Variants in INHA observed in about 807,000 individuals in gnomAD.
INHA encodes the protein inhibin alpha chain.
Under a neutral mutation model 21.3 loss-of-function variants are expected in INHA, and 8 were observed. The ratio of observed to expected loss-of-function variants is 0.38; its 90% confidence interval spans 0.22 to 0.68. The LOEUF is 0.68. Among genes scored for constraint, INHA ranks in the 30% least tolerant of loss-of-function variants. The pLI is 0.53. For missense variants in INHA, 436 were observed against 465.8 expected, an observed-to-expected ratio of 0.94 and a Z score of 0.59; for synonymous variants, 231 against 207.5, an observed-to-expected ratio of 1.11 and a Z score of -0.97.
At chr2:219,573,796 A>G (rs1231423321) in intron 1 of INHA, among the ~76,000 whole-genome samples, 1 of 151,118 alleles carries the variant, frequency 6.6e-6, no homozygotes, top group South Asian at 2.1e-4. Flanking sequence ...AACATGGTGA[A>G]CCCCGTCTCT....
In INHA at chr2:219,575,569, G is replaced by A. The variant is rs1292466227; in HGVS notation, c.*43G>A. ...TCTTAATCCCATGGCTGGTGGCCAC[G>A]CCCCCACCATCATCAGCTGGGAGGA... is the stretch of plus-strand genomic sequence containing the variant. On this transcript the variant is annotated 3_prime_UTR_variant, in exon 2 of 2. Coordinates refer to ENST00000243786, the MANE Select transcript of INHA (RefSeq NM_002191.4). 2.7e-6 allele frequency: 4 copies of A among 1,480,852 alleles called. No homozygotes were observed. Among genetic ancestry groups the A allele is most frequent in the East Asian group, 2.3e-5 (1 of 44,260 alleles). The allele number at this position is 1,480,852 out of a possible 1,614,324, so 91.7% of individuals were successfully genotyped here.
At position 219,575,023 on chromosome 2, in the gene INHA, T is replaced by C; in HGVS notation, c.598T>C (p.Cys200Arg). ...CCCCGTCCTGGTGCTGCTGCTGCGC[T>C]GTCCCCTCTGTACCTGCTCAGCCCG... ...THPVLVLLLR[C>R]PLCTCSARPE... The change falls in exon 2 of 2, where the codon TGT becomes CGT. Residue 200 changes from cysteine (C) to arginine (R), a missense_variant. By Grantham distance (180) the Cys-to-Arg change is radical. Transcript: ENST00000243786. 6.2e-7 allele frequency: 1 copy of C among 1,613,356 alleles called. No homozygotes were observed.
At position 219,575,153 on chromosome 2, in the gene INHA, C is replaced by G. The variant is rs376758084; in HGVS notation, c.728C>G (p.Pro243Arg). The G allele has an allele frequency of 2.5e-6, 4 of 1,614,266 alleles. No homozygotes were observed. The African/African-American group carries it at 5.3e-5, about 22-fold the overall frequency. Residue 243 changes from proline (P) to arginine (R), a missense_variant, in exon 2 of 2, where the codon CCC becomes CGC. Coordinates refer to ENST00000243786, the MANE Select transcript of INHA (RefSeq NM_002191.4). ...STPLMSWPWS[P>R]SALRLLQRPP... ...CCCCTGATGTCCTGGCCTTGGTCTC[C>G]CTCTGCTCTGCGCCTGCTGCAGAGG...
Position 219,572,358 on chromosome 2 carries a change from G to A in INHA, c.-17G>A. 6.2e-7 allele frequency: 1 copy of A among 1,613,550 alleles called. No homozygotes were observed. The highest frequency in any genetic ancestry group is 1.1e-5 in the South Asian group (1 of 91,024). Reference sequence around the variant, plus strand: ...GGGGCAGGGTGTGAGTTCCCCACTAGCAGGGCCAGGTGAGCTATGGTGCTG... The same window carrying A: ...GGGGCAGGGTGTGAGTTCCCCACTAACAGGGCCAGGTGAGCTATGGTGCTG... On this transcript the variant is annotated 5_prime_UTR_variant, in exon 1 of 2. Transcript: ENST00000243786.
At chr2:219,573,587 C>CT (rs11342037) in intron 1 of INHA, among the ~76,000 whole-genome samples, 7,673 of 143,534 alleles carry the variant, frequency 0.053, 244 homozygotes, top group African/African-American at 0.061. Context: ...CCTCCTTCTT[C>CT]TTTTTTTTTT....
chr2:219,572,326 G>A lies in INHA; in HGVS notation c.-49G>A. The A allele has an allele frequency of 6.2e-7, 1 of 1,612,758 alleles. No homozygotes were observed. Among genetic ancestry groups the A allele is most frequent in the South Asian group, 1.1e-5 (1 of 90,804 alleles). ...AGGCCCTGGGCAGACCCTGGCAGAA[G>A]GGGCACGGGGCAGGGTGTGAGTTCC... On this transcript the variant is annotated 5_prime_UTR_variant, in exon 1 of 2. Coordinates refer to ENST00000243786, the MANE Select transcript of INHA (RefSeq NM_002191.4).
At position 219,574,915 on chromosome 2, in the gene INHA, G is replaced by A. The variant is rs1314458732; in HGVS notation, c.490G>A (p.Ala164Thr). The change falls in exon 2 of 2, where the codon GCT (alanine) becomes ACT (threonine). Residue 164 changes from alanine to threonine, a missense_variant. By Grantham distance (58) the Ala-to-Thr change is moderately conservative (BLOSUM62 0). Transcript: ENST00000243786. The part of the protein sequence containing the change: ...LLALSPGGPV[A>T]VPMSLGHAPP... ...GGCACTGTCACCGGGAGGACCCGTG[G>A]CTGTGCCCATGTCTTTGGGCCATGC... 1.9e-6 allele frequency: 3 copies of A among 1,614,090 alleles called. No individual in the cohort carries two copies. In the African/African-American group the frequency reaches 4.0e-5, roughly 22 times the overall value.
Position 219,572,402 on chromosome 2 carries a change from C to T in INHA, c.28C>T (p.Leu10=), listed in dbSNP as rs1052741617. The change falls in exon 1 of 2, where the codon CTG becomes TTG. Residue 10 remains leucine (L), a synonymous_variant. Transcript: ENST00000243786. MVLHLLLFL[L]LTPQGGHSCQ... ...GGTGCTGCACCTACTGCTCTTCTTG[C>T]TGCTGACCCCACAGGGTGGGCACAG... 6.2e-7 allele frequency: 1 copy of T among 1,613,946 alleles called. No homozygotes were observed. The highest frequency in any genetic ancestry group is 8.5e-7 in the Non-Finnish European group (1 of 1,180,032).
chr2:219,572,582 A>C lies in INHA; in HGVS notation c.208A>C (p.Arg70=), dbSNP rs563337516. ...ACATGCCCTGGGGGGCTTCACACAC[A>C]GGGGCTCTGAGCCCGAGGAAGAGGA... ...RRHALGGFTH[R]GSEPEEEEDV... is the part of the protein sequence containing the mutation. The change falls in exon 1 of 2, where the codon AGG becomes CGG. Residue 70 remains arginine (R), a synonymous_variant. Transcript: ENST00000243786. 6.4e-7 allele frequency: 1 copy of C among 1,557,138 alleles called. No homozygotes were observed. The highest frequency in any genetic ancestry group is 1.9e-5 in the Admixed American group (1 of 51,412).
At chr2:219,573,886 G>C (rs961377083) in intron 1 of INHA, among the ~76,000 whole-genome samples, 2 of 151,888 alleles carry the variant, frequency 1.3e-5, no homozygotes, top group African/African-American at 4.8e-5. Context: ...CTTGAACGTG[G>C]GAGGCGGAGC....
In INHA at chr2:219,574,771, C is replaced by T. The variant is rs763182716; in HGVS notation, c.346C>T (p.Arg116Trp). The T allele has an allele frequency of 3.8e-5, 61 of 1,613,964 alleles. No individual in the cohort carries two copies. In the Middle Eastern group the frequency reaches 6.6e-4, roughly 17 times the overall value. The change falls in exon 2 of 2, where the codon CGG becomes TGG. Residue 116 changes from arginine to tryptophan, a missense_variant. Coordinates refer to ENST00000243786, the MANE Select transcript of INHA (RefSeq NM_002191.4). ...GGAGGGCCTCTTCAGATACATGTTC[C>T]GGCCATCCCAGCATACACGCAGCCG... ...AEEGLFRYMF[R>W]PSQHTRSRQV...
In INHA at chr2:219,573,587, CTTT is replaced by C. The variant is rs11342037; in HGVS notation, c.268+959_268+961del. 4.8e-3 allele frequency among the ~76,000 whole-genome samples: 687 copies of C among 143,612 alleles called. 3 individuals carry two copies. Among genetic ancestry groups the C allele is most frequent in the African/African-American group, 0.013 (514 of 39,350 alleles). 94.2% of individuals were successfully genotyped at this position (143,612 alleles called of 152,430 possible). On this transcript the variant is annotated intron_variant, in intron 1 of 1. Coordinates refer to ENST00000243786, the MANE Select transcript of INHA (RefSeq NM_002191.4). Reference sequence around the variant, plus strand: ...TCCCACTTGCCTTTCCCTCCTTCTTCTTTTTTTTTTTTTTTTGGTGTAAACCTG... The same window carrying C: ...TCCCACTTGCCTTTCCCTCCTTCTTCTTTTTTTTTTTTTGGTGTAAACCTG...
rs888635955 is a variant in INHA, at chr2:219,572,651, G to A, written c.268+9G>A. 1 of 1,551,460 alleles carries A rather than the reference G, an allele frequency of 6.4e-7. No individual in the cohort carries two copies. Among genetic ancestry groups the A allele is most frequent in the Non-Finnish European group, 8.7e-7 (1 of 1,146,938 alleles). On this transcript the variant is annotated intron_variant, in intron 1 of 1. Transcript: ENST00000243786. The stretch of plus-strand genomic sequence containing the variant: ...CCTTTTCCCAGCCACAGGTAACGAG[G>A]GTGGGGGAACCGGCAGGATGACTTT...
At chr2:219,574,165 G>A in intron 1 of INHA, among the ~76,000 whole-genome samples, 1 of 151,278 alleles carries the variant, frequency 6.6e-6, no homozygotes. Flanking sequence ...TGTGGTCTCA[G>A]TTACTCAGGA....
intron 1 of INHA, 148 bp from the exon 2 acceptor site, chr2:219,574,546 G>A: frequency 4.6e-6 from 3 of 650,202 alleles, no homozygotes; most frequent in Non-Finnish European, 7.9e-6. Flanking sequence ...CCAAAACTCA[G>A]GAGAGTCCCC....
rs560985914 is a variant in INHA, at chr2:219,572,478, C to T, written c.104C>T (p.Ala35Val). 6.1e-5 allele frequency: 99 copies of T among 1,613,758 alleles called. 2 individuals are homozygous for T. In the South Asian group the frequency reaches 1.1e-3, roughly 17 times the overall value. The change falls in exon 1 of 2, where the codon GCC (alanine) becomes GTC (valine). Residue 35 changes from alanine (A) to valine (V), a missense_variant. Coordinates refer to ENST00000243786, the MANE Select transcript of INHA (RefSeq NM_002191.4). ...GAACTTGTTCTGGCCAAGGTGAGGG[C>T]CCTGTTCTTGGATGCCTTGGGGCCC... ...ARELVLAKVR[A>V]LFLDALGPPA...
chr2:219,574,716 A>C lies in INHA; in HGVS notation c.291A>C (p.Ser97=). The C allele has an allele frequency of 6.2e-7, 1 of 1,613,332 alleles. No individual in the cohort carries two copies. Among genetic ancestry groups the C allele is most frequent in the East Asian group, 2.2e-5 (1 of 44,832 alleles). ...CAGATGCCAGCTGTGAGGACAAGTC[A>C]GCTGCCAGAGGGCTGGCCCAGGAGG... ...PATDASCEDK[S]AARGLAQEAE... The change falls in exon 2 of 2, where the codon TCA becomes TCC. Residue 97 remains serine, a synonymous_variant. Coordinates refer to ENST00000243786, the MANE Select transcript of INHA (RefSeq NM_002191.4).
Position 219,575,201 on chromosome 2 carries a change from A to T in INHA, c.776A>T (p.His259Leu). 6.2e-7 allele frequency: 1 copy of T among 1,614,238 alleles called. No individual in the cohort carries two copies. The highest frequency in any genetic ancestry group is 8.5e-7 in the Non-Finnish European group (1 of 1,180,040). The change falls in exon 2 of 2, where the codon CAT becomes CTT. Residue 259 changes from histidine (H) to leucine (L), a missense_variant. Coordinates refer to ENST00000243786, the MANE Select transcript of INHA (RefSeq NM_002191.4). The stretch of plus-strand genomic sequence containing the variant: ...AGGCCTCCGGAGGAACCGGCTGCCC[A>T]TGCCAACTGCCACAGAGTAGCACTG... ...LQRPPEEPAA[H>L]ANCHRVALNI... is the part of the protein sequence containing the mutation.
At chr2:219,574,554 C>T (rs541699272) in intron 1 of INHA, 140 bp from the exon 2 acceptor site, 123 of 676,162 alleles carry the variant, frequency 1.8e-4, no homozygotes, top group Non-Finnish European at 3.0e-4. Flanking sequence ...CAGGAGAGTC[C>T]CCACGTCCCG....
Sources: allele counts gnomAD v4.1 joint callset (sites outside exome capture counted in the v4.1 genomes callset), GRCh38; gene constraint gnomAD v4.1.1; transcripts MANE v1.5; gene names NCBI Gene and HGNC (gene_info 2026-07-23, HGNC 2026-07-21).